The following PLA2G4D variants were observed in gnomAD, a reference collection of about 807,000 sequenced individuals.
PLA2G4D encodes the protein phospholipase A2 group IVD.
In PLA2G4D, 80 loss-of-function variants were observed where a neutral mutation model predicts 94.4. The ratio of observed to expected loss-of-function variants is 0.85; its 90% confidence interval spans 0.71 to 1.02. The LOEUF (loss-of-function observed/expected upper bound fraction) is 1.02. Among genes scored for constraint, PLA2G4D ranks in the 50% least tolerant of loss-of-function variants. The probability of loss-of-function intolerance (pLI) is 0.00; values close to 1 mark genes in which losing one functional copy is unlikely to be tolerated. For synonymous variants in PLA2G4D, 438 were observed against 440.9 expected (o/e 0.99, Z 0.08); for missense variants, 1,050 against 1,034.7 (o/e 1.01, Z -0.20).
At chr15:42,086,452 AC>A (rs1890151064) in intron 3 of PLA2G4D, 108 bp from the exon 4 acceptor site, 1 of 1,049,370 alleles carries the variant, frequency 9.5e-7, no homozygotes, top group East Asian at 2.4e-5. Flanking sequence ...TCATTATGCC[AC>A]CACACGTCTG....
chr15:42,081,313 T>A (rs192895141), intron 11 of PLA2G4D, among the ~76,000 whole-genome samples, 166 bp downstream of exon 11: 1 of 152,294 alleles, frequency 6.6e-6, no homozygotes, highest in East Asian at 1.9e-4. Flanking sequence ...CAGCTCAGGA[T>A]GGAGCTCCCA....
intron 12 of PLA2G4D, 115 bp downstream of exon 12, chr15:42,080,880 TCA>T: frequency 1.5e-6 from 2 of 1,332,470 alleles, no homozygotes; most frequent in Non-Finnish European, 2.0e-6. Context: ...TTGGCGCCCA[TCA>T]GATCACAATG....
chr15:42,078,373 G>A (rs1889968357), intron 13 of PLA2G4D, among the ~76,000 whole-genome samples: 1 of 152,178 alleles, frequency 6.6e-6, no homozygotes, highest in African/African-American at 2.4e-5. Context: ...GGCTTTAACT[G>A]TATCTGTAAC....
chr15:42,087,311 T>C lies in PLA2G4D; in HGVS notation c.244A>G (p.Ser82Gly). 6.2e-7 allele frequency: 1 copy of C among 1,614,074 alleles called. No homozygotes were observed. Among genetic ancestry groups the C allele is most frequent in the East Asian group, 2.2e-5 (1 of 44,882 alleles). Residue 82 changes from serine (S) to glycine (G), a missense_variant, in exon 3 of 20, where the codon AGT becomes GGT. Physicochemically the swap from Ser to Gly is moderately conservative, Grantham distance 56. Transcript: ENST00000290472. ...TCCCGGGCCTTCACCTTGACCTGACTTTGGATAAGGAAACGGAAGGCCTCA... is the reference window on the plus strand; with the variant it reads ...TCCCGGGCCTTCACCTTGACCTGACCTTGGATAAGGAAACGGAAGGCCTCA... The part of the protein sequence containing the change: ...WNEAFRFLIQ[S>G]QVKNVLELSI...
At chr15:42,091,658 C>A (rs542843841) in intron 1 of PLA2G4D, among the ~76,000 whole-genome samples, 1 of 152,108 alleles carries the variant, frequency 6.6e-6, no homozygotes, top group South Asian at 2.1e-4. Context: ...TAGGCTCGCC[C>A]GCAGTTACCT....
chr15:42,085,197 C>T, intron 5 of PLA2G4D, 59 bp from the exon 6 acceptor site: 1 of 1,595,300 alleles, frequency 6.3e-7, no homozygotes, highest in East Asian at 2.2e-5. Context: ...CCGCTCCCGC[C>T]CATGTGGGGT....
At chr15:42,079,222 G>A (rs1389076149) in intron 13 of PLA2G4D, among the ~76,000 whole-genome samples, 1 of 152,136 alleles carries the variant, frequency 6.6e-6, no homozygotes, top group Non-Finnish European at 1.5e-5. Flanking sequence ...AAGAAGAACA[G>A]TAAATTTCAT....
In PLA2G4D at chr15:42,082,366, AT is replaced by A. The variant is rs1890055489; in HGVS notation, c.695del (p.Asn232MetfsTer13). On this transcript the variant is annotated frameshift_variant, in exon 9 of 20. Coordinates refer to ENST00000290472, the MANE Select transcript of PLA2G4D (RefSeq NM_178034.4). LOFTEE classifies it high-confidence loss of function. ...TGAGGTACCCAGCTGAGTTGTCCCC[AT>A]TCCAGCCATTGCTTCTGGAGCTCTG... is the stretch of plus-strand genomic sequence containing the variant. ...RLRSSRSNGW[N>X]GDNSAGYLTV... 6.2e-7 allele frequency: 1 copy of A among 1,613,990 alleles called. No homozygotes were observed. The highest frequency in any genetic ancestry group is 1.3e-5 in the African/African-American group (1 of 74,916).
chr15:42,092,423 A>G (rs1176726949), intron 1 of PLA2G4D, among the ~76,000 whole-genome samples: 1 of 152,182 alleles, frequency 6.6e-6, no homozygotes. Flanking sequence ...CTAGATTTTC[A>G]TAGATTTGTC....
intron 11 of PLA2G4D, 142 bp downstream of exon 11, chr15:42,081,337 C>T (rs777769055): frequency 1.4e-6 from 2 of 1,448,638 alleles, no homozygotes; most frequent in Non-Finnish European, 1.9e-6. Flanking sequence ...GAGTTAGAAC[C>T]ACAAAGCCCA....
Position 42,086,194 on chromosome 15 carries a change from T to TGGGGGGGGCCCCCC in PLA2G4D, c.387+18_387+19insGGGGGGCCCCCCCC. 4 of 1,370,440 alleles carry TGGGGGGGGCCCCCC rather than the reference T, an allele frequency of 2.9e-6. No individual in the cohort carries two copies. Among genetic ancestry groups the TGGGGGGGGCCCCCC allele is most frequent in the Non-Finnish European group, 2.9e-6 (3 of 1,043,080 alleles). 84.9% of individuals were successfully genotyped at this position (1,370,440 alleles called of 1,614,324 possible). On this transcript the variant is annotated intron_variant, in intron 4 of 19. Transcript: ENST00000290472. ...GGAAGAAGTGGGGCCCACGGGGACTTCCCCACCCACCCACCCACCTGGGGA... is the reference window on the plus strand; with the variant it reads ...GGAAGAAGTGGGGCCCACGGGGACTTGGGGGGGGCCCCCCCCCCACCCACCCACCCACCTGGGGA...
At chr15:42,074,810 A>T (rs1889887018) in intron 13 of PLA2G4D, among the ~76,000 whole-genome samples, 1 of 152,350 alleles carries the variant, frequency 6.6e-6, no homozygotes, top group East Asian at 1.9e-4. Flanking sequence ...CCCGAAGAAA[A>T]CATTATTTTG....
rs966197820 is a variant in PLA2G4D, at chr15:42,081,037, C to A, written c.1054G>T (p.Asp352Tyr). 12 of 1,614,046 alleles carry A rather than the reference C, an allele frequency of 7.4e-6. No individual in the cohort carries two copies. Among genetic ancestry groups the A allele is most frequent in the African/African-American group, 1.3e-5 (1 of 74,912 alleles). Residue 352 changes from aspartate (D) to tyrosine (Y), a missense_variant, in exon 12 of 20, where the codon GAC becomes TAC. Asp to Tyr is a radical substitution (Grantham distance 160). Coordinates refer to ENST00000290472, the MANE Select transcript of PLA2G4D (RefSeq NM_178034.4). ...LLALQKLGLL[D>Y]CVTYFSGISG... is the part of the protein sequence containing the mutation. ...ATGCCACTGAAGTAGGTCACACAGT[C>A]TAGGAGGCCCAGCTTCTGCAAGGCC...
chr15:42,073,470 T>G (rs4923924), intron 13 of PLA2G4D, among the ~76,000 whole-genome samples: 16,916 of 152,226 alleles, frequency 0.11, 1,053 homozygotes, highest in Middle Eastern at 0.16. Context: ...GAGCACCACC[T>G]TGGGAAGGAT....
In PLA2G4D at chr15:42,084,127, C is replaced by T. The variant is rs903848874; in HGVS notation, c.472-348G>A. On this transcript the variant is annotated intron_variant, in intron 6 of 19. Transcript: ENST00000290472. The surrounding 1 kb of genome is among the most constrained non-coding windows in gnomAD (Gnocchi z 4.8). ...CTGGAGGAGGTATTCTACCACAACTCCAAATAATCTAAGCAAGCCGCCCAT... is the reference window on the plus strand; with the variant it reads ...CTGGAGGAGGTATTCTACCACAACTTCAAATAATCTAAGCAAGCCGCCCAT... 3.7e-6 allele frequency: 1 copy of T among 270,542 alleles called. No individual in the cohort carries two copies. Among genetic ancestry groups the T allele is most frequent in the African/African-American group, 2.2e-5 (1 of 45,768 alleles). The allele number at this position is 270,542 out of a possible 1,614,324, so 16.8% of individuals were successfully genotyped here. A position where few individuals can be genotyped will look rare whatever the true frequency, so the allele number is the denominator to read the frequency against.
chr15:42,074,137 C>T (rs1889877330), intron 13 of PLA2G4D, among the ~76,000 whole-genome samples: 1 of 152,144 alleles, frequency 6.6e-6, no homozygotes, highest in African/African-American at 2.4e-5. Flanking sequence ...TGTCCTTTTA[C>T]TATAGTTGCA....
chr15:42,086,571 G>A (rs1890154130), intron 3 of PLA2G4D, among the ~76,000 whole-genome samples: 1 of 152,120 alleles, frequency 6.6e-6, no homozygotes, highest in Admixed American at 6.5e-5. Context: ...AAAATTCTGA[G>A]CTGGGCATGG....
In PLA2G4D at chr15:42,080,422, C is replaced by T. The variant is rs114844553; in HGVS notation, c.1094+575G>A. 6.6e-3 allele frequency among the ~76,000 whole-genome samples: 1,010 copies of T among 152,216 alleles called. 20 individuals carry two copies. The highest frequency in any genetic ancestry group is 0.023 in the African/African-American group (969 of 41,522). On this transcript the variant is annotated intron_variant, in intron 12 of 19. Coordinates refer to ENST00000290472, the MANE Select transcript of PLA2G4D (RefSeq NM_178034.4). ...ACCTCGTCATGCTGCGGGGTGAGGG[C>T]GTAGGGAGGTAATGCTAGCTTTAGG... is the stretch of plus-strand genomic sequence containing the variant.
chr15:42,073,046 A>T (rs1889858559), intron 13 of PLA2G4D, among the ~76,000 whole-genome samples: 1 of 152,190 alleles, frequency 6.6e-6, no homozygotes, highest in African/African-American at 2.4e-5. Context: ...TCTGTCACCC[A>T]GGCTGGAGTG....
Sources: allele counts gnomAD v4.1 joint callset (sites outside exome capture counted in the v4.1 genomes callset), GRCh38; gene constraint gnomAD v4.1.1; non-coding constraint Gnocchi (gnomAD v3.1); transcripts MANE v1.5; gene names NCBI Gene and HGNC (gene_info 2026-07-23, HGNC 2026-07-21).